The following EPS8 variants were observed in gnomAD, a reference collection of about 807,000 sequenced individuals.
EPS8 encodes the protein epidermal growth factor receptor kinase substrate 8.
In EPS8, 42 loss-of-function variants were observed where a neutral mutation model predicts 103.8. That is an observed-to-expected ratio of 0.40 (90% CI 0.32 to 0.52). The LOEUF (loss-of-function observed/expected upper bound fraction) is 0.52, where lower values mean the gene tolerates loss of function less well. Ranked by LOEUF, EPS8 falls within the 20% of genes least tolerant of loss-of-function variation. EPS8 has a pLI of 0.40. For missense variants in EPS8, 969 were observed against 1,005.1 expected (o/e 0.96, Z 0.49); for synonymous variants, 344 against 344.6 (o/e 1.00, Z 0.02).
Position 15,666,394 on chromosome 12 carries a change from T to C in EPS8, c.599+46A>G, listed in dbSNP as rs968649787. 1.0e-5 allele frequency: 15 copies of C among 1,444,024 alleles called. No individual in the cohort carries two copies. In the Admixed American group the frequency reaches 2.6e-4, roughly 25 times the overall value. The allele number at this position is 1,444,024 out of a possible 1,614,324, so 89.5% of individuals were successfully genotyped here. A position where few individuals can be genotyped will look rare whatever the true frequency, so the allele number is the denominator to read the frequency against. On this transcript the variant is annotated intron_variant, in intron 7 of 20. Transcript: ENST00000281172. ...TCTAACTCTTTGGGGAAAAAAGCCTTAGAAACAAATCAATTCCACTCCTTG... is the reference window on the plus strand; with the variant it reads ...TCTAACTCTTTGGGGAAAAAAGCCTCAGAAACAAATCAATTCCACTCCTTG...
In EPS8 at chr12:15,778,965, G is replaced by T. The variant is rs1473461863; in HGVS notation, c.-22+10196C>A. Among the ~76,000 whole-genome samples the T allele has an allele frequency of 2.0e-5, 1 of 48,850 alleles. No homozygotes were observed. Among genetic ancestry groups the T allele is most frequent in the Non-Finnish European group, 3.9e-5 (1 of 25,678 alleles). 32.0% of individuals were successfully genotyped at this position (48,850 alleles called of 152,430 possible). On this transcript the variant is annotated intron_variant, in intron 1 of 20. Coordinates refer to ENST00000281172, the MANE Select transcript of EPS8 (RefSeq NM_004447.6). This position sits in a 1 kb window ranked among gnomAD's most constrained non-coding sequence, Gnocchi z 4.5. ...CAAACCAAGATTTTAAAATGTAACA[G>T]ACTTTTTCTTTCTTTCTTTCTTTCT...
intron 15 of EPS8, among the ~76,000 whole-genome samples, chr12:15,645,586 T>C (rs1439891182): frequency 6.6e-6 from 1 of 152,160 alleles, no homozygotes; most frequent in Non-Finnish European, 1.5e-5. Context: ...CCTGATATTC[T>C]ATAAAGATCA....
At chr12:15,624,008 C>G (rs1944902788) in intron 19 of EPS8, among the ~76,000 whole-genome samples, 1 of 152,158 alleles carries the variant, frequency 6.6e-6, no homozygotes, top group South Asian at 2.1e-4. Context: ...TGAACAGATA[C>G]TACCAATTCG....
At chr12:15,663,939 A>ATAATAATAAT (rs61385343) in intron 8 of EPS8, among the ~76,000 whole-genome samples, 2 of 63,794 alleles carry the variant, frequency 3.1e-5, no homozygotes, top group African/African-American at 9.8e-5. Context: ...AAAAAAAAAA[A>ATAATAATAAT]AAAAAAATAA....
chr12:15,778,486 C>G lies in EPS8; in HGVS notation c.-22+10675G>C, dbSNP rs1947229316. ...TAAAAGGATCTTGATGTGCAAAAAA[C>G]AAAACAAAAACACTGTAGTTTATGG... On this transcript the variant is annotated intron_variant, in intron 1 of 20. Transcript: ENST00000281172. This position sits in a 1 kb window ranked among gnomAD's most constrained non-coding sequence, Gnocchi z 4.5. 6.6e-6 allele frequency among the ~76,000 whole-genome samples: 1 copy of G among 152,014 alleles called. No homozygotes were observed. The highest frequency in any genetic ancestry group is 6.5e-5 in the Admixed American group (1 of 15,270).
rs992512826 is a variant in EPS8, at chr12:15,767,290, A to G, written c.-22+21871T>C. On this transcript the variant is annotated intron_variant, in intron 1 of 20. Coordinates refer to ENST00000281172, the MANE Select transcript of EPS8 (RefSeq NM_004447.6). This position sits in a 1 kb window ranked among gnomAD's most constrained non-coding sequence, Gnocchi z 5.5. Reference sequence around the variant, plus strand: ...AACAGAGTTCATCCCTACCATTTTCACAAATTATTTCTACAGAAGCAGACT... The same window carrying G: ...AACAGAGTTCATCCCTACCATTTTCGCAAATTATTTCTACAGAAGCAGACT... Among the ~76,000 whole-genome samples, 6 of 152,210 alleles carry G rather than the reference A, an allele frequency of 3.9e-5. No homozygotes were observed. The highest frequency in any genetic ancestry group is 1.4e-4 in the African/African-American group (6 of 41,458).
chr12:15,739,507 A>C lies in EPS8; in HGVS notation c.-22+49654T>G, dbSNP rs550725858. On this transcript the variant is annotated intron_variant, in intron 1 of 20. Coordinates refer to ENST00000281172, the MANE Select transcript of EPS8 (RefSeq NM_004447.6). ...TCGACTGGGGGACCAGATGGAACAA[A>C]AAGGTGGAGGAAGGGTGAATTTCTT... 1.1e-4 allele frequency among the ~76,000 whole-genome samples: 16 copies of C among 152,188 alleles called. No homozygotes were observed. In the South Asian group the frequency reaches 3.3e-3, roughly 32 times the overall value.
At chr12:15,773,884 A>G (rs1947180576) in intron 1 of EPS8, among the ~76,000 whole-genome samples, 1 of 152,192 alleles carries the variant, frequency 6.6e-6, no homozygotes, top group Non-Finnish European at 1.5e-5. Context: ...TTTTTGCAGT[A>G]GCAATTTATA....
chr12:15,742,887 G>A (rs954378253), intron 1 of EPS8, among the ~76,000 whole-genome samples: 17 of 152,088 alleles, frequency 1.1e-4, no homozygotes, highest in African/African-American at 4.1e-4. Flanking sequence ...CTCCTATTCA[G>A]CATAGTGTTG....
intron 3 of EPS8, among the ~76,000 whole-genome samples, chr12:15,676,123 A>G (rs1268803031): frequency 6.6e-6 from 1 of 151,830 alleles, no homozygotes; most frequent in Non-Finnish European, 1.5e-5. Flanking sequence ...ATACAAAAAA[A>G]TTAGCCAGGC....
intron 1 of EPS8, among the ~76,000 whole-genome samples, chr12:15,712,232 C>T (rs892265873): frequency 4.6e-5 from 7 of 151,902 alleles, no homozygotes; most frequent in Admixed American, 1.3e-4. Flanking sequence ...CATTAATATA[C>T]ATGGGCTTTA....
At chr12:15,678,093 C>A (rs1256955116) in intron 3 of EPS8, among the ~76,000 whole-genome samples, 1 of 152,120 alleles carries the variant, frequency 6.6e-6, no homozygotes, top group African/African-American at 2.4e-5. Context: ...ATCATGCATA[C>A]TTCTAGCATG....
chr12:15,626,803 C>T (rs1565465295), intron 18 of EPS8, among the ~76,000 whole-genome samples: 1 of 152,010 alleles, frequency 6.6e-6, no homozygotes, highest in Non-Finnish European at 1.5e-5. Flanking sequence ...TCCCTTGGTG[C>T]TCTTCAAATT....
intron 18 of EPS8, among the ~76,000 whole-genome samples, chr12:15,626,622 C>A (rs1009679458): frequency 7.6e-6 from 1 of 132,004 alleles, no homozygotes; most frequent in Admixed American, 7.4e-5. Context: ...AGCAAGACTC[C>A]GTCTCAAAAA....
chr12:15,678,686 G>A (rs969427224), intron 3 of EPS8, among the ~76,000 whole-genome samples: 2 of 152,010 alleles, frequency 1.3e-5, no homozygotes, highest in African/African-American at 4.8e-5. Flanking sequence ...CCTGACCTGA[G>A]GTAATCCATC....
intron 1 of EPS8, among the ~76,000 whole-genome samples, chr12:15,774,361 T>C (rs1167650851): frequency 7.8e-6 from 1 of 127,768 alleles, no homozygotes; most frequent in African/African-American, 2.9e-5. Context: ...AGGCCTAGTG[T>C]TATTTAAGCA....
intron 1 of EPS8, among the ~76,000 whole-genome samples, chr12:15,740,486 G>A (rs781297143): frequency 5.3e-5 from 8 of 151,816 alleles, no homozygotes; most frequent in East Asian, 1.9e-4. Context: ...CGTAGGTTGC[G>A]GTGAACCGAG....
At chr12:15,774,644 C>T (rs1947189300) in intron 1 of EPS8, among the ~76,000 whole-genome samples, 1 of 146,396 alleles carries the variant, frequency 6.8e-6, no homozygotes, top group Admixed American at 6.9e-5. Context: ...TACATACATA[C>T]ATATAAAATA....
chr12:15,707,320 T>C (rs1019945729), intron 1 of EPS8, among the ~76,000 whole-genome samples: 2 of 152,142 alleles, frequency 1.3e-5, no homozygotes, highest in Non-Finnish European at 2.9e-5. Context: ...ACCAAAAATG[T>C]AAAAAGCATT....
Sources: allele counts gnomAD v4.1 joint callset (sites outside exome capture counted in the v4.1 genomes callset), GRCh38; gene constraint gnomAD v4.1.1; non-coding constraint Gnocchi (gnomAD v3.1); transcripts MANE v1.5; gene names NCBI Gene and HGNC (gene_info 2026-07-23, HGNC 2026-07-21).